The following NALF1 variants were observed in gnomAD, a reference collection of about 807,000 sequenced individuals.
NALF1 encodes family with sequence similarity 155 member A.
A neutral mutation model predicts 48.4 loss-of-function variants in NALF1; 3 were observed. That is an observed-to-expected ratio of 0.06 (90% confidence interval 0.03 to 0.16). The LOEUF is 0.16. NALF1 is among the 10% of genes least tolerant of loss of function. The pLI is 1.00. For missense variants in NALF1, 526 were observed against 571.5 expected (o/e 0.92, Z 0.81); for synonymous variants, 262 against 245.7 (o/e 1.07, Z -0.62).
intron 1 of NALF1, among the ~76,000 whole-genome samples, chr13:107,718,595 A>C (rs779973607): frequency 2.0e-4 from 30 of 152,192 alleles, no homozygotes; most frequent in Non-Finnish European, 4.0e-4. Flanking sequence ...GCTTTAAATG[A>C]GCACCAAACA....
At position 107,586,635 on chromosome 13, in the gene NALF1, A is replaced by ATTTTTTTTTTTTTTTTTTT. The variant is rs61429641; in HGVS notation, c.915+279046_915+279047insAAAAAAAAAAAAAAAAAAA. 6.9e-3 allele frequency among the ~76,000 whole-genome samples: 641 copies of ATTTTTTTTTTTTTTTTTTT among 93,016 alleles called. 51 individuals carry two copies. The highest frequency in any genetic ancestry group is 8.9e-3 in the African/African-American group (196 of 21,926). The allele number at this position is 93,016 out of a possible 152,430, so 61.0% of individuals were successfully genotyped here. A position where few individuals can be genotyped will look rare whatever the true frequency, so the allele number is the denominator to read the frequency against. ...CTACATTTAAAGCTCCCCTATGGAGATTTTTTTTTTTTTTGCTAGGAATGA... is the reference window on the plus strand; with the variant it reads ...CTACATTTAAAGCTCCCCTATGGAGATTTTTTTTTTTTTTTTTTTTTTTTTTTTTTTTTGCTAGGAATGA... On this transcript the variant is annotated intron_variant, in intron 1 of 2. Coordinates refer to ENST00000375915, the MANE Select transcript of NALF1 (RefSeq NM_001080396.3).
chr13:107,850,682 T>C (rs1207384211), intron 1 of NALF1, among the ~76,000 whole-genome samples: 3 of 152,102 alleles, frequency 2.0e-5, no homozygotes, highest in African/African-American at 4.8e-5. Context: ...GTGGGTGGAT[T>C]ACCTGAGGTC....
intron 1 of NALF1, among the ~76,000 whole-genome samples, chr13:107,609,361 C>T (rs1879161035): frequency 1.3e-5 from 2 of 152,180 alleles, no homozygotes; most frequent in Admixed American, 6.5e-5. Context: ...CCCCTACTTG[C>T]ACCAACCAGT....
chr13:107,364,693 T>C (rs1883120658), intron 1 of NALF1, among the ~76,000 whole-genome samples: 1 of 152,088 alleles, frequency 6.6e-6, no homozygotes. Context: ...GGAGTCAAAA[T>C]TTCCCTACAA....
intron 1 of NALF1, among the ~76,000 whole-genome samples, chr13:107,393,869 CATA>C (rs1883667762): frequency 6.6e-6 from 1 of 152,040 alleles, no homozygotes; most frequent in Non-Finnish European, 1.5e-5. Flanking sequence ...GAAAAAATAA[CATA>C]ATATTTCTGC....
At chr13:107,747,621 G>A (rs921038397) in intron 1 of NALF1, among the ~76,000 whole-genome samples, 2 of 152,200 alleles carry the variant, frequency 1.3e-5, no homozygotes, top group East Asian at 1.9e-4. Flanking sequence ...GGCCACACTC[G>A]ATAGTCTATG....
chr13:107,600,810 C>T lies in NALF1; in HGVS notation c.915+264872G>A, dbSNP rs74925687. Among the ~76,000 whole-genome samples, 202 of 152,326 alleles carry T rather than the reference C, an allele frequency of 1.3e-3. 6 individuals are homozygous for T. In the East Asian group the frequency reaches 0.032, roughly 24 times the overall value. ...TTAGTACTTTGAAATATTCCTGACACTTAACTTGACCTCGATAGTATTTGT... is the reference window on the plus strand; with the variant it reads ...TTAGTACTTTGAAATATTCCTGACATTTAACTTGACCTCGATAGTATTTGT... On this transcript the variant is annotated intron_variant, in intron 1 of 2. Coordinates refer to ENST00000375915, the MANE Select transcript of NALF1 (RefSeq NM_001080396.3).
At chr13:107,802,994 G>A (rs1217721461) in intron 1 of NALF1, among the ~76,000 whole-genome samples, 2 of 152,140 alleles carry the variant, frequency 1.3e-5, no homozygotes, top group Non-Finnish European at 2.9e-5. Context: ...AGCACCCTTT[G>A]GGTAGAAATG....
chr13:107,505,235 A>T (rs1321032490), intron 1 of NALF1, among the ~76,000 whole-genome samples: 1 of 152,192 alleles, frequency 6.6e-6, no homozygotes, highest in Non-Finnish European at 1.5e-5. Context: ...TATTGCAGAG[A>T]GCATAGCATT....
chr13:107,614,309 C>T (rs140452827), intron 1 of NALF1, among the ~76,000 whole-genome samples: 2 of 152,166 alleles, frequency 1.3e-5, no homozygotes, highest in African/African-American at 4.8e-5. Context: ...TACATCTAGT[C>T]TTTTTGTAAG....
chr13:107,451,946 C>T (rs767009013), intron 1 of NALF1, among the ~76,000 whole-genome samples: 5 of 152,178 alleles, frequency 3.3e-5, no homozygotes, highest in African/African-American at 4.8e-5. Context: ...ACCCCATCTG[C>T]AGGACCTCTG....
intron 1 of NALF1, among the ~76,000 whole-genome samples, chr13:107,439,871 G>A (rs1027671811): frequency 6.6e-6 from 1 of 152,140 alleles, no homozygotes; most frequent in Non-Finnish European, 1.5e-5. Context: ...GGGAAAGAGA[G>A]GGTCAGAGCA....
At chr13:107,357,218 T>C (rs544633088) in intron 1 of NALF1, among the ~76,000 whole-genome samples, 3 of 152,122 alleles carry the variant, frequency 2.0e-5, no homozygotes, top group African/African-American at 7.2e-5. Context: ...CTCACAATCA[T>C]GGCAGAAGGC....
rs1878639807 is a variant in NALF1 at position 107,165,522 on chromosome 13, G to A, written c.*4975C>T. The A allele has an allele frequency of 6.6e-6, 1 of 152,166 alleles. No homozygotes were observed. Among genetic ancestry groups the A allele is most frequent in the Admixed American group, 6.5e-5 (1 of 15,282 alleles). The allele number at this position is 152,166 out of a possible 1,614,324, so 9.4% of individuals were successfully genotyped here. Reference sequence around the variant, plus strand: ...TCTTGTCTGTGGTAAACATAGCCCTGAAGTACAGTATCTCAAGAATAAAAA... The same window carrying A: ...TCTTGTCTGTGGTAAACATAGCCCTAAAGTACAGTATCTCAAGAATAAAAA... On this transcript the variant is annotated 3_prime_UTR_variant, in exon 3 of 3. Transcript: ENST00000375915.
rs897684269 is a variant in NALF1 at position 107,167,426 on chromosome 13, G to A, written c.*3071C>T. ...ATCATCAGTGATTGTTTCTGAGCTTGGGAAAGGAGTCGTTGCCTATTTGGA... is the reference window on the plus strand; with the variant it reads ...ATCATCAGTGATTGTTTCTGAGCTTAGGAAAGGAGTCGTTGCCTATTTGGA... On this transcript the variant is annotated 3_prime_UTR_variant, in exon 3 of 3. Coordinates refer to ENST00000375915, the MANE Select transcript of NALF1 (RefSeq NM_001080396.3). The A allele has an allele frequency of 2.6e-5, 4 of 152,296 alleles. 1 individual carries two copies. Among genetic ancestry groups the A allele is most frequent in the Middle Eastern group, 6.8e-3 (2 of 294 alleles). The allele number at this position is 152,296 out of a possible 1,614,324, so 9.4% of individuals were successfully genotyped here. A position where few individuals can be genotyped will look rare whatever the true frequency, so the allele number is the denominator to read the frequency against.
chr13:107,687,871 C>T (rs1159041802), intron 1 of NALF1, among the ~76,000 whole-genome samples: 3 of 152,172 alleles, frequency 2.0e-5, no homozygotes, highest in African/African-American at 7.2e-5. Flanking sequence ...CAGAGCATCT[C>T]CATCAGTGCA....
At chr13:107,234,624 C>G (rs1165262064) in intron 1 of NALF1, among the ~76,000 whole-genome samples, 2 of 151,780 alleles carry the variant, frequency 1.3e-5, no homozygotes, top group African/African-American at 4.8e-5. Flanking sequence ...TCTCCCTCAC[C>G]AAAGGTTATC....
At chr13:107,224,989 TTTTTA>T (rs143483816) in intron 1 of NALF1, among the ~76,000 whole-genome samples, 57,147 of 151,272 alleles carry the variant, frequency 0.38, 11,192 homozygotes, top group East Asian at 0.57. Context: ...GTAACATTTA[TTTTTA>T]TTTTATTTTA....
chr13:107,399,439 C>T (rs113713433), intron 1 of NALF1, among the ~76,000 whole-genome samples: 2,682 of 129,678 alleles, frequency 0.021, 30 homozygotes, highest in South Asian at 0.036. Context: ...GAAAATAAAG[C>T]ACACACACAT....
Sources: allele counts gnomAD v4.1 joint callset (sites outside exome capture counted in the v4.1 genomes callset), GRCh38; gene constraint gnomAD v4.1.1; transcripts MANE v1.5; gene names NCBI Gene and HGNC (gene_info 2026-07-23, HGNC 2026-07-21).